Variants in THAP3 observed in about 807,000 individuals in gnomAD.
The protein encoded by THAP3 is THAP domain-containing protein 3.
Under a neutral mutation model 17.7 loss-of-function variants are expected in THAP3, and 12 were observed. The observed-to-expected ratio is 0.68, with a 90% CI of 0.43 to 1.10. The LOEUF is 1.10. Ranked by LOEUF, THAP3 falls within the 50% of genes least tolerant of loss-of-function variation. THAP3 has a pLI of 0.00. For synonymous variants in THAP3, 133 were observed against 126.9 expected (o/e 1.05, Z -0.32); for missense variants, 289 against 318.0 (o/e 0.91, Z 0.69).
At chr1:6,626,153 T>TA (rs1008403893) in intron 2 of THAP3, among the ~76,000 whole-genome samples, 3 of 151,494 alleles carry the variant, frequency 2.0e-5, no homozygotes, top group African/African-American at 7.3e-5. Flanking sequence ...ACAAATAATT[T>TA]AAAAAAATTA....
chr1:6,632,644 AC>A, intron 5 of THAP3, 149 bp downstream of exon 5: 1 of 1,436,720 alleles, frequency 7.0e-7, no homozygotes. Context: ...CAAATTCTCC[AC>A]CATGGTGTGG....
Position 6,632,937 on chromosome 1 carries a change from C to T in THAP3, c.580C>T (p.Leu194Phe), listed in dbSNP as rs1156249024. 1.2e-6 allele frequency: 2 copies of T among 1,612,946 alleles called. No homozygotes were observed. Among genetic ancestry groups the T allele is most frequent in the Admixed American group, 1.7e-5 (1 of 60,026 alleles). ...DLDSLKKKLF[L>F]TLKENEKLRK... is the part of the protein sequence containing the mutation. Reference sequence around the variant, plus strand: ...AGATTCCCTGAAGAAAAAACTCTTCCTCACTCTGAAGGAAAATGAAAAGCT... The same window carrying T: ...AGATTCCCTGAAGAAAAAACTCTTCTTCACTCTGAAGGAAAATGAAAAGCT... The change falls in exon 6 of 6, where the codon CTC (leucine) becomes TTC (phenylalanine). Residue 194 changes from leucine (L) to phenylalanine (F), a missense_variant. Leu to Phe is a conservative substitution (Grantham distance 22). Transcript: ENST00000054650.
chr1:6,632,301 G>A (rs894330284), intron 4 of THAP3, 90 bp from the exon 5 acceptor site: 3 of 1,555,748 alleles, frequency 1.9e-6, no homozygotes, highest in South Asian at 1.2e-5. Context: ...GTCCCTGGCT[G>A]TTGCCACTCC....
intron 4 of THAP3, 82 bp from the exon 5 acceptor site, chr1:6,632,309 T>G: frequency 6.4e-7 from 1 of 1,563,392 alleles, no homozygotes; most frequent in Non-Finnish European, 8.7e-7. Context: ...CTGTTGCCAC[T>G]CCCCTAGAGG....
chr1:6,633,880 A>T, downstream of THAP3: 1 of 734,094 alleles, frequency 1.4e-6, no homozygotes, highest in Non-Finnish European at 2.2e-6. Flanking sequence ...ACTGCCCTCT[A>T]GTATTGTCAC....
chr1:6,625,630 C>T (rs1641448148), intron 2 of THAP3, among the ~76,000 whole-genome samples: 1 of 152,054 alleles, frequency 6.6e-6, no homozygotes, highest in South Asian at 2.1e-4. Context: ...GAAGGGAGCC[C>T]GGCACCTGGG....
At position 6,633,326 on chromosome 1, in the gene THAP3, G is replaced by A. The variant is rs2148722956; in HGVS notation, c.*249G>A. On this transcript the variant is annotated 3_prime_UTR_variant, in exon 6 of 6. Transcript: ENST00000054650. ...ACAAGCTTATCCTCCCATGGTAACA[G>A]AAGTCCAGGCTGAGGCTGATTCTGG... is the stretch of plus-strand genomic sequence containing the variant. The A allele has an allele frequency of 7.2e-7, 1 of 1,385,224 alleles. No individual in the cohort carries two copies. The highest frequency in any genetic ancestry group is 1.5e-5 in the African/African-American group (1 of 68,938). 85.8% of individuals were successfully genotyped at this position (1,385,224 alleles called of 1,614,324 possible). A position where few individuals can be genotyped will look rare whatever the true frequency, so the allele number is the denominator to read the frequency against.
At chr1:6,630,870 G>T (rs28460408) in intron 4 of THAP3, among the ~76,000 whole-genome samples, 2 of 151,244 alleles carry the variant, frequency 1.3e-5, no homozygotes, top group African/African-American at 2.4e-5. Flanking sequence ...CCGCGCCTGG[G>T]CCCCCACTTT....
intron 1 of THAP3, 86 bp from the exon 2 acceptor site, chr1:6,625,064 C>A: frequency 1.2e-6 from 1 of 806,386 alleles, no homozygotes; most frequent in Non-Finnish European, 1.9e-6. Context: ...TGGGGAGACG[C>A]GGGTGGCTGG....
At chr1:6,634,622 T>TA, downstream of THAP3, 1 of 1,366,496 alleles carries the variant, frequency 7.3e-7, no homozygotes, top group African/African-American at 1.5e-5. Context: ...CACGTAACTT[T>TA]ACTGCAGCCG....
chr1:6,632,175 C>T (rs1641632716), intron 4 of THAP3, among the ~76,000 whole-genome samples: 1 of 151,732 alleles, frequency 6.6e-6, no homozygotes, highest in Non-Finnish European at 1.5e-5. Flanking sequence ...GAGATTGCAC[C>T]ACTGCACTCC....
chr1:6,635,340 C>G, downstream of THAP3: 1 of 253,566 alleles, frequency 3.9e-6, no homozygotes, highest in South Asian at 6.2e-5. Context: ...CCAGACCCAG[C>G]CAAGAACTAC....
intron 4 of THAP3, among the ~76,000 whole-genome samples, chr1:6,631,889 G>GA (rs887677155): frequency 2.5e-4 from 36 of 142,116 alleles, no homozygotes; most frequent in East Asian, 2.5e-3. Flanking sequence ...TCCATCTCAA[G>GA]AAAAAAAAAA....
At chr1:6,631,766 G>A (rs902444059) in intron 4 of THAP3, among the ~76,000 whole-genome samples, 1 of 152,122 alleles carries the variant, frequency 6.6e-6, no homozygotes, top group African/African-American at 2.4e-5. Flanking sequence ...GCATGGTGGT[G>A]GATGCCTATA....
chr1:6,632,516 G>A, intron 5 of THAP3, 21 bp downstream of exon 5: 1 of 1,613,804 alleles, frequency 6.2e-7, no homozygotes. Context: ...GTGCAAAGGT[G>A]GTCTGTGGTT....
chr1:6,635,225 T>C (rs143431699), downstream of THAP3: 183 of 170,592 alleles, frequency 1.1e-3, no homozygotes, highest in African/African-American at 4.0e-3. Flanking sequence ...AGAGGCTCCC[T>C]GACCGGGAGG....
intron 5 of THAP3, 61 bp downstream of exon 5, chr1:6,632,556 T>C (rs1260828707): frequency 6.2e-7 from 1 of 1,605,538 alleles, no homozygotes; most frequent in African/African-American, 1.3e-5. Flanking sequence ...CCAAACAAAA[T>C]GGAAACCAGT....
chr1:6,631,181 T>A (rs1402822457), intron 4 of THAP3, among the ~76,000 whole-genome samples: 18 of 58,226 alleles, frequency 3.1e-4, no homozygotes, highest in South Asian at 7.3e-4. Flanking sequence ...ATTAAAAATT[T>A]TTTTTTTTTT....
chr1:6,632,963 C>T lies in THAP3; in HGVS notation c.606C>T (p.Leu202=), dbSNP rs750083673. The T allele has an allele frequency of 5.1e-5, 82 of 1,612,928 alleles. No individual in the cohort carries two copies. The South Asian group carries it at 8.3e-4, about 16-fold the overall frequency. ...LFLTLKENEK[L]RKRLQAQRLV... Reference sequence around the variant, plus strand: ...TCACTCTGAAGGAAAATGAAAAGCTCCGGAAGCGCTTGCAGGCCCAGAGGC... The same window carrying T: ...TCACTCTGAAGGAAAATGAAAAGCTTCGGAAGCGCTTGCAGGCCCAGAGGC... Residue 202 remains leucine (L), a synonymous_variant, in exon 6 of 6, where the codon CTC becomes CTT. Transcript: ENST00000054650.
Sources: allele counts gnomAD v4.1 joint callset (sites outside exome capture counted in the v4.1 genomes callset), GRCh38; gene constraint gnomAD v4.1.1; transcripts MANE v1.5; gene names NCBI Gene and HGNC (gene_info 2026-07-23, HGNC 2026-07-21).